COL26A1: variants seen among roughly 807,000 people sequenced by gnomAD.
The protein encoded by COL26A1 is collagen alpha-1(XXVI) chain.
COL26A1 carries 41 observed loss-of-function variants against 59.3 expected under a neutral mutation model. The ratio of observed to expected loss-of-function variants is 0.69; its 90% confidence interval spans 0.54 to 0.90. The LOEUF is 0.90. COL26A1 is among the 40% of genes least tolerant of loss of function. COL26A1 has a pLI of 0.00. For missense variants in COL26A1, 612 were observed against 602.3 expected (o/e 1.02, Z -0.17); for synonymous variants, 266 against 256.0 (o/e 1.04, Z -0.37).
intron 2 of COL26A1, among the ~76,000 whole-genome samples, chr7:101,423,402 C>T (rs1443702484): frequency 6.6e-6 from 1 of 152,164 alleles, no homozygotes; most frequent in Non-Finnish European, 1.5e-5. Context: ...TTGTTCTCTC[C>T]TTTACCACTT....
chr7:101,477,286 C>T (rs79154338), intron 3 of COL26A1, among the ~76,000 whole-genome samples: 32,014 of 152,020 alleles, frequency 0.21, 4,204 homozygotes, highest in African/African-American at 0.37. Flanking sequence ...GTGGGATATG[C>T]GTGCTGTGTG....
intron 10 of COL26A1, among the ~76,000 whole-genome samples, 170 bp downstream of exon 10, chr7:101,551,313 C>T (rs1031236385): frequency 2.6e-5 from 4 of 152,130 alleles, no homozygotes; most frequent in Non-Finnish European, 5.9e-5. Context: ...CCTCCTGCTG[C>T]GGGGTGAGGA....
rs539599314 is a variant in COL26A1 at position 101,491,823 on chromosome 7, T to C, written c.386-41259T>C. 7.8e-4 allele frequency among the ~76,000 whole-genome samples: 119 copies of C among 152,320 alleles called. 1 individual carries two copies. The South Asian group carries it at 1.0e-2, about 13-fold the overall frequency. On this transcript the variant is annotated intron_variant, in intron 3 of 12. Coordinates refer to ENST00000313669, the MANE Select transcript of COL26A1 (RefSeq NM_001278563.3). ...ACCTGTATCTTGTGCTGACCTCCTA[T>C]CTCATCCTGTGACTTAGAATGCTTT...
intron 3 of COL26A1, among the ~76,000 whole-genome samples, chr7:101,485,132 G>A (rs570409009): frequency 2.0e-5 from 3 of 152,256 alleles, no homozygotes; most frequent in South Asian, 2.1e-4. Flanking sequence ...GATTACAGGC[G>A]TAAGCCACCA....
chr7:101,531,726 C>T (rs1034702318), intron 3 of COL26A1, among the ~76,000 whole-genome samples: 13 of 152,070 alleles, frequency 8.5e-5, no homozygotes, highest in Admixed American at 3.3e-4. Context: ...CCCAACTCCC[C>T]GTGGTTTCTC....
At chr7:101,430,685 T>C (rs1361947264) in intron 2 of COL26A1, among the ~76,000 whole-genome samples, 2 of 151,980 alleles carry the variant, frequency 1.3e-5, no homozygotes, top group African/African-American at 4.8e-5. Context: ...TGCAGCTGAA[T>C]TCACTAGTTC....
chr7:101,394,762 A>G (rs1791815176), intron 1 of COL26A1, among the ~76,000 whole-genome samples: 2 of 150,584 alleles, frequency 1.3e-5, no homozygotes, highest in Non-Finnish European at 3.0e-5. Flanking sequence ...TGGTCTCAGT[A>G]TCCTTGTCCT....
intron 3 of COL26A1, among the ~76,000 whole-genome samples, chr7:101,522,826 A>T (rs1795166556): frequency 6.6e-6 from 1 of 152,152 alleles, no homozygotes; most frequent in Non-Finnish European, 1.5e-5. Context: ...TTGGTTAAAA[A>T]AAAAAAAAAG....
intron 3 of COL26A1, among the ~76,000 whole-genome samples, chr7:101,497,483 T>C (rs1343672846): frequency 6.6e-6 from 1 of 151,890 alleles, no homozygotes; most frequent in African/African-American, 2.4e-5. Flanking sequence ...GAGACCAGCC[T>C]CGGCAACATA....
At chr7:101,509,186 T>C (rs1262784876) in intron 3 of COL26A1, among the ~76,000 whole-genome samples, 4 of 152,158 alleles carry the variant, frequency 2.6e-5, no homozygotes, top group Admixed American at 2.6e-4. Context: ...GGTTCGTGTC[T>C]GTAATCCCAG....
chr7:101,553,466 C>A, intron 11 of COL26A1, 90 bp downstream of exon 11: 1 of 1,360,294 alleles, frequency 7.4e-7, no homozygotes, highest in South Asian at 1.3e-5. Flanking sequence ...TCTGCGCTGA[C>A]CGTCAGCCAG....
chr7:101,557,420 G>C lies in COL26A1; in HGVS notation c.1216G>C (p.Ala406Pro), dbSNP rs773619725. The stretch of plus-strand genomic sequence containing the variant: ...TTCTGGCCAGGATGCTGCCCTGAGA[G>C]CCAACCTCAAGATGAAGAGGGGTGG... ...GGSGQDAALR[A>P]NLKMKRGGAQ... The change falls in exon 13 of 13, where the codon GCC becomes CCC. Residue 406 changes from alanine to proline, a missense_variant. Physicochemically the swap from Ala to Pro is conservative, Grantham distance 27. Coordinates refer to ENST00000313669, the MANE Select transcript of COL26A1 (RefSeq NM_001278563.3). 1 of 1,613,790 alleles carries C rather than the reference G, an allele frequency of 6.2e-7. No homozygotes were observed. Among genetic ancestry groups the C allele is most frequent in the South Asian group, 1.1e-5 (1 of 91,056 alleles).
At chr7:101,446,325 C>A (rs1793194119) in intron 2 of COL26A1, among the ~76,000 whole-genome samples, 1 of 152,170 alleles carries the variant, frequency 6.6e-6, no homozygotes, top group Non-Finnish European at 1.5e-5. Flanking sequence ...TCCATGTCTC[C>A]ATTGTGTACA....
chr7:101,363,684 C>T (rs902140386), intron 1 of COL26A1, among the ~76,000 whole-genome samples: 71 of 151,806 alleles, frequency 4.7e-4, no homozygotes, highest in Non-Finnish European at 9.0e-4. Flanking sequence ...TCTCTGGCCG[C>T]GCCCACCCTG....
At chr7:101,493,523 T>C (rs1584460148) in intron 3 of COL26A1, among the ~76,000 whole-genome samples, 1 of 152,160 alleles carries the variant, frequency 6.6e-6, no homozygotes, top group South Asian at 2.1e-4. Flanking sequence ...GGCCGTCTGC[T>C]GAATCCTGTA....
intron 1 of COL26A1, among the ~76,000 whole-genome samples, chr7:101,372,397 A>G (rs1308189277): frequency 6.6e-6 from 1 of 151,980 alleles, no homozygotes; most frequent in African/African-American, 2.4e-5. Flanking sequence ...CCTGACGTCA[A>G]GTGATCCATC....
intron 1 of COL26A1, among the ~76,000 whole-genome samples, chr7:101,379,019 G>A (rs1791387096): frequency 6.6e-6 from 1 of 152,150 alleles, no homozygotes; most frequent in African/African-American, 2.4e-5. Flanking sequence ...TTTGAGAGAA[G>A]GTAGCAGTTT....
At chr7:101,437,080 C>T (rs963881667) in intron 2 of COL26A1, among the ~76,000 whole-genome samples, 3 of 152,194 alleles carry the variant, frequency 2.0e-5, no homozygotes, top group South Asian at 2.1e-4. Flanking sequence ...TGGGTGCAGA[C>T]GATGTGCCTC....
chr7:101,440,790 AC>A (rs1793037779), intron 2 of COL26A1, among the ~76,000 whole-genome samples: 1 of 152,144 alleles, frequency 6.6e-6, no homozygotes, highest in African/African-American at 2.4e-5. Context: ...ACATGGTGAA[AC>A]CCTGTCTCTA....
Sources: allele counts gnomAD v4.1 joint callset (sites outside exome capture counted in the v4.1 genomes callset), GRCh38; gene constraint gnomAD v4.1.1; transcripts MANE v1.5; gene names NCBI Gene and HGNC (gene_info 2026-07-23, HGNC 2026-07-21).